EEPD1: variants seen among roughly 807,000 people sequenced by gnomAD.
The protein encoded by EEPD1 is endonuclease/exonuclease/phosphatase family domain-containing protein 1.
EEPD1 carries 17 observed loss-of-function variants against 46.3 expected under a neutral mutation model. The observed-to-expected ratio is 0.37, with a 90% CI of 0.25 to 0.55. The LOEUF (loss-of-function observed/expected upper bound fraction) is 0.55, where lower values mean the gene tolerates loss of function less well. Ranked by LOEUF, EEPD1 falls within the 20% of genes least tolerant of loss-of-function variation. The pLI is 0.83. For missense variants in EEPD1, 673 were observed against 745.6 expected (o/e 0.90, Z 1.13); for synonymous variants, 313 against 315.6 (o/e 0.99, Z 0.09).
At chr7:36,236,912 T>A (rs1338997555) in intron 2 of EEPD1, among the ~76,000 whole-genome samples, 1 of 152,220 alleles carries the variant, frequency 6.6e-6, no homozygotes, top group Non-Finnish European at 1.5e-5. Flanking sequence ...GCAGGCCCCC[T>A]AGCCAGCAGG....
rs568107603 is a variant in EEPD1, at chr7:36,295,961, G to A, written c.1316-1032G>A. Among the ~76,000 whole-genome samples, 10 of 137,312 alleles carry A rather than the reference G, an allele frequency of 7.3e-5. No homozygotes were observed. The South Asian group carries it at 2.1e-3, about 29-fold the overall frequency. The allele number at this position is 137,312 out of a possible 152,430, so 90.1% of individuals were successfully genotyped here. Reference sequence around the variant, plus strand: ...CAGGAGAATCGCTTGAACCCAGGAGGCAGAGGTTGTAGTGAGCCGAGATTG... The same window carrying A: ...CAGGAGAATCGCTTGAACCCAGGAGACAGAGGTTGTAGTGAGCCGAGATTG... On this transcript the variant is annotated intron_variant, in intron 6 of 7. Transcript: ENST00000242108.
intron 2 of EEPD1, among the ~76,000 whole-genome samples, chr7:36,188,702 TC>T (rs1785409453): frequency 6.6e-6 from 1 of 152,196 alleles, no homozygotes; most frequent in South Asian, 2.1e-4. Flanking sequence ...TAATTCTTCA[TC>T]CTTTTTCTCT....
intron 2 of EEPD1, among the ~76,000 whole-genome samples, chr7:36,159,287 A>G (rs879457190): frequency 1.3e-5 from 2 of 152,222 alleles, no homozygotes; most frequent in Non-Finnish European, 2.9e-5. Context: ...TAGTAAACCT[A>G]GAGTTTTGGG....
chr7:36,287,913 C>T (rs1360805147), intron 6 of EEPD1, 136 bp downstream of exon 6: 22 of 1,247,124 alleles, frequency 1.8e-5, no homozygotes, highest in Non-Finnish European at 2.1e-5. Flanking sequence ...ACAGTCAAAC[C>T]TCTGGCATCT....
At chr7:36,231,331 C>G (rs1167527339) in intron 2 of EEPD1, among the ~76,000 whole-genome samples, 1 of 152,222 alleles carries the variant, frequency 6.6e-6, no homozygotes, top group East Asian at 1.9e-4. Flanking sequence ...ACTTGCCCTT[C>G]AAGCTGTCAT....
At chr7:36,211,436 G>A (rs952912699) in intron 2 of EEPD1, among the ~76,000 whole-genome samples, 2 of 151,206 alleles carry the variant, frequency 1.3e-5, no homozygotes, top group Non-Finnish European at 3.0e-5. Context: ...GTAAATGACC[G>A]ATGAAAAAAA....
chr7:36,229,279 AT>A (rs1786279121), intron 2 of EEPD1: 1 of 152,242 alleles, frequency 6.6e-6, no homozygotes, highest in South Asian at 2.1e-4. Flanking sequence ...TCCAGGCATC[AT>A]TAACAACTTT....
At chr7:36,242,742 G>A (rs117944082) in intron 3 of EEPD1, among the ~76,000 whole-genome samples, 5,156 of 147,464 alleles carry the variant, frequency 0.035, 120 homozygotes, top group Middle Eastern at 0.079. Context: ...GACCAACATG[G>A]CGAAACTGTG....
intron 7 of EEPD1, 139 bp from the exon 8 acceptor site, chr7:36,298,868 C>T (rs1787569194): frequency 3.3e-6 from 3 of 903,408 alleles, no homozygotes; most frequent in African/African-American, 3.3e-5. Context: ...TGCACAGGCA[C>T]CTTCCAGCTA....
rs574358346 is a variant in EEPD1, at chr7:36,281,137, C to T, written c.953C>T (p.Pro318Leu). ...LEKFCTELNQ[P>L]TLPNIRKWKG... The stretch of plus-strand genomic sequence containing the variant: ...CAGTTCTGCACGGAGCTAAACCAGC[C>T]GACCCTGCCCAACATCCGCAAGTGG... The change falls in exon 4 of 8, where the codon CCG becomes CTG. Residue 318 changes from proline (P) to leucine (L), a missense_variant. Pro to Leu is a moderately conservative substitution (Grantham distance 98). Transcript: ENST00000242108. 25 of 1,614,134 alleles carry T rather than the reference C, an allele frequency of 1.5e-5. No homozygotes were observed. Among genetic ancestry groups the T allele is most frequent in the African/African-American group, 8.0e-5 (6 of 75,044 alleles).
intron 3 of EEPD1, among the ~76,000 whole-genome samples, chr7:36,250,401 A>T (rs1291250765): frequency 6.6e-6 from 1 of 152,168 alleles, no homozygotes; most frequent in Non-Finnish European, 1.5e-5. Flanking sequence ...TGGATGGTGC[A>T]TGGAGATGGA....
chr7:36,246,612 G>A (rs1254007456), intron 3 of EEPD1, among the ~76,000 whole-genome samples: 1 of 152,102 alleles, frequency 6.6e-6, no homozygotes, highest in Admixed American at 6.5e-5. Flanking sequence ...TAAAAGATGT[G>A]AAAGAAGTTG....
chr7:36,239,017 A>T lies in EEPD1; in HGVS notation c.911A>T (p.Asp304Val). Residue 304 changes from aspartate (D) to valine (V), a missense_variant, in exon 3 of 8, where the codon GAC becomes GTC. By Grantham distance (152) the Asp-to-Val change is radical. Coordinates refer to ENST00000242108, the MANE Select transcript of EEPD1 (RefSeq NM_030636.3). ...CTTCTAGCTGTGCAAGAACTGCTTGACAGAGAGGCCTTGGAAAAGGTAAAT... is the reference window on the plus strand; with the variant it reads ...CTTCTAGCTGTGCAAGAACTGCTTGTCAGAGAGGCCTTGGAAAAGGTAAAT... The part of the protein sequence containing the change: ...IKLLAVQELL[D>V]REALEKFCTE... 6.2e-7 allele frequency: 1 copy of T among 1,611,724 alleles called. No individual in the cohort carries two copies. Among genetic ancestry groups the T allele is most frequent in the Non-Finnish European group, 8.5e-7 (1 of 1,179,544 alleles).
chr7:36,207,672 G>C (rs183654596), intron 2 of EEPD1, among the ~76,000 whole-genome samples: 8 of 152,268 alleles, frequency 5.3e-5, no homozygotes, highest in Admixed American at 5.2e-4. Flanking sequence ...CCTTTCCTGC[G>C]TGCAGCTACC....
intron 3 of EEPD1, among the ~76,000 whole-genome samples, chr7:36,251,298 G>GTTTCTTTCTTTC (rs372389551): frequency 9.2e-5 from 14 of 151,568 alleles, no homozygotes; most frequent in African/African-American, 3.4e-4. Context: ...CTACTGGTAG[G>GTTTCTTTCTTTC]TTTCTTTCTT....
At chr7:36,281,305 T>A in intron 4 of EEPD1, 80 bp downstream of exon 4, 1 of 1,326,376 alleles carries the variant, frequency 7.5e-7, no homozygotes, top group Non-Finnish European at 1.1e-6. Context: ...CATTTAAAAA[T>A]TTCCTTTGCC....
chr7:36,161,873 GAC>G (rs1346140515), intron 2 of EEPD1, among the ~76,000 whole-genome samples: 1 of 141,020 alleles, frequency 7.1e-6, no homozygotes, highest in East Asian at 2.0e-4. Flanking sequence ...CAGCCTCAGT[GAC>G]AGAGTGAGAC....
At chr7:36,239,248 C>G (rs1324109872) in intron 3 of EEPD1, among the ~76,000 whole-genome samples, 1 of 152,180 alleles carries the variant, frequency 6.6e-6, no homozygotes, top group South Asian at 2.1e-4. Context: ...GTACCTGGCT[C>G]CCTCTGGGTT....
intron 3 of EEPD1, 124 bp downstream of exon 3, chr7:36,239,160 C>T (rs921054815): frequency 2.1e-6 from 2 of 948,886 alleles, no homozygotes; most frequent in Admixed American, 2.6e-5. Context: ...ATTTTGTATT[C>T]CTGACAGCGA....
Sources: gnomAD v4.1 joint callset for allele counts (sites outside exome capture counted in the v4.1 genomes callset) on GRCh38, gnomAD v4.1.1 for gene constraint, MANE v1.5 for transcripts, NCBI Gene and HGNC (gene_info 2026-07-23, HGNC 2026-07-21) for gene names.